The following TENM1 variants were observed in gnomAD, a reference collection of about 807,000 sequenced individuals.
The protein encoded by TENM1 is teneurin transmembrane protein 1, also known as teneurin-1.
Under a neutral mutation model 174.8 loss-of-function variants are expected in TENM1, and 35 were observed. The observed-to-expected ratio is 0.20, with a 90% CI of 0.15 to 0.27. TENM1 has a LOEUF of 0.27. Ranked by LOEUF, TENM1 falls within the 10% of genes least tolerant of loss-of-function variation. TENM1 has a pLI of 1.00. For missense variants in TENM1, 1,633 were observed against 2,130.1 expected, an observed-to-expected ratio of 0.77 and a Z score of 4.59; for synonymous variants, 781 against 798.7, an observed-to-expected ratio of 0.98 and a Z score of 0.37.
chrX:124,894,302 T>C, exon 3 of TENM1: 1 of 1,200,479 alleles, frequency 8.3e-7, no homozygotes, highest in Non-Finnish European at 1.1e-6. Context: ...TTGCCTTGAG[T>C]AGACCCAGCT....
At chrX:125,200,654 T>TGAGAGAGAGAGA in the TENM1 span, among the ~76,000 whole-genome samples, 24 of 92,418 alleles carry the variant, frequency 2.6e-4, no homozygotes, top group African/African-American at 6.7e-4. Context: ...TGTGTGTGTG[T>TGAGAGAGAGAGA]GAGAGAGAGA....
chrX:124,541,386 T>C (rs1467320731), intron 15 of TENM1, among the ~76,000 whole-genome samples: 1 of 111,841 alleles, frequency 8.9e-6, no homozygotes, highest in Non-Finnish European at 1.9e-5. Flanking sequence ...CAAGAGTGAG[T>C]GAGTTCTCAT....
At chrX:124,471,226 TAGTACTA>T (rs2061303766) in intron 22 of TENM1, among the ~76,000 whole-genome samples, 7 of 60,940 alleles carry the variant, frequency 1.1e-4, no homozygotes, top group African/African-American at 4.4e-4. Context: ...TTATAATATA[TAGTACTA>T]TATATAATAT....
intron 11 of TENM1, among the ~76,000 whole-genome samples, chrX:124,575,467 G>A (rs909596841): frequency 3.6e-5 from 4 of 111,732 alleles, no homozygotes; most frequent in African/African-American, 9.8e-5. Flanking sequence ...TAACAACAGC[G>A]ACACACTCCA....
At chrX:124,460,051 T>C (rs1297206374) in intron 22 of TENM1, among the ~76,000 whole-genome samples, 1 of 111,590 alleles carries the variant, frequency 9.0e-6, no homozygotes, top group African/African-American at 3.3e-5. Flanking sequence ...ACAAGTCAGA[T>C]TGGCTATTAT....
At chrX:124,583,379 A>T (rs970952174) in intron 11 of TENM1, among the ~76,000 whole-genome samples, 4 of 111,899 alleles carry the variant, frequency 3.6e-5, no homozygotes, top group African/African-American at 1.3e-4. Context: ...ACGGTTCATG[A>T]AAATCCACTG....
At chrX:124,893,626 G>T (rs2057511427) in intron 3 of TENM1, among the ~76,000 whole-genome samples, 2 of 111,388 alleles carry the variant, frequency 1.8e-5, no homozygotes, top group Non-Finnish European at 3.8e-5. Context: ...CCCAGCACAG[G>T]CCCAGTTGTG....
intron 22 of TENM1, among the ~76,000 whole-genome samples, chrX:124,459,313 TATG>T (rs1014875502): frequency 8.9e-6 from 1 of 111,767 alleles, no homozygotes; most frequent in Non-Finnish European, 1.9e-5. Flanking sequence ...CCGAGAACAC[TATG>T]ATATTCCAGG....
At chrX:124,448,228 G>A (rs947452659) in intron 23 of TENM1, among the ~76,000 whole-genome samples, 1 of 112,154 alleles carries the variant, frequency 8.9e-6, no homozygotes, top group Non-Finnish European at 1.9e-5. Context: ...ATAAAGCTGA[G>A]CAGTGTCATG....
the TENM1 span, among the ~76,000 whole-genome samples, chrX:124,977,910 T>C: frequency 6.6e-5 from 7 of 106,204 alleles, no homozygotes; most frequent in East Asian, 2.1e-3. Context: ...ATGCTTGATG[T>C]TGTCCCACAC....
chrX:124,980,763 G>A, the TENM1 span, among the ~76,000 whole-genome samples: 54 of 110,950 alleles, frequency 4.9e-4, no homozygotes, highest in African/African-American at 1.7e-3. Flanking sequence ...ATCCCTCACA[G>A]ACAGGGCTTA....
upstream of TENM1, among the ~76,000 whole-genome samples, chrX:124,968,319 T>C (rs2058751353): frequency 8.9e-6 from 1 of 112,269 alleles, no homozygotes; most frequent in Non-Finnish European, 1.9e-5. Flanking sequence ...CTAATCTTAA[T>C]GCCACTCAAA....
chrX:125,127,407 G>T, the TENM1 span, among the ~76,000 whole-genome samples: 1 of 111,344 alleles, frequency 9.0e-6, no homozygotes, highest in African/African-American at 3.3e-5. Flanking sequence ...ATTTTAAGAA[G>T]CATACCATCT....
At chrX:125,083,937 T>C in the TENM1 span, among the ~76,000 whole-genome samples, 3 of 110,349 alleles carry the variant, frequency 2.7e-5, no homozygotes, top group African/African-American at 9.9e-5. Context: ...ACTAGGAGGG[T>C]GGAAGTGAAA....
At chrX:125,183,600 A>G in the TENM1 span, among the ~76,000 whole-genome samples, 1 of 111,366 alleles carries the variant, frequency 9.0e-6, no homozygotes, top group African/African-American at 3.3e-5. Context: ...CTGAACTCCA[A>G]CAGACTGGCA....
intron 5 of TENM1, among the ~76,000 whole-genome samples, chrX:124,687,303 G>A (rs751922653): frequency 1.3e-4 from 14 of 111,326 alleles, no homozygotes; most frequent in Admixed American, 9.5e-4. Context: ...TCTGATCTTC[G>A]ACAAATCTCA....
At chrX:124,870,155 T>C (rs2057083326) in intron 3 of TENM1, among the ~76,000 whole-genome samples, 1 of 111,867 alleles carries the variant, frequency 8.9e-6, no homozygotes, top group Non-Finnish European at 1.9e-5. Context: ...AAATAATAGT[T>C]CATATCAATC....
intron 1 of TENM1, among the ~76,000 whole-genome samples, chrX:124,912,396 T>G (rs1255126740): frequency 9.0e-6 from 1 of 111,121 alleles, no homozygotes; most frequent in Non-Finnish European, 1.9e-5. Flanking sequence ...TATTTTTGGC[T>G]AAATACTTGG....
the TENM1 span, among the ~76,000 whole-genome samples, chrX:125,162,196 A>C: frequency 8.9e-6 from 1 of 112,104 alleles, no homozygotes; most frequent in Non-Finnish European, 1.9e-5. Context: ...GAAGAGTTAG[A>C]CTGGATTCAT....
Sources: allele counts gnomAD v4.1 joint callset (sites outside exome capture counted in the v4.1 genomes callset), GRCh38; gene constraint gnomAD v4.1.1; transcripts MANE v1.5; gene names NCBI Gene and HGNC (gene_info 2026-07-23, HGNC 2026-07-21).